The following SLC39A10 variants were observed in gnomAD, a reference collection of about 807,000 sequenced individuals.
SLC39A10 encodes solute carrier family 39 member 10.
A neutral mutation model predicts 65.1 loss-of-function variants in SLC39A10; 13 were observed. The ratio of observed to expected loss-of-function variants is 0.20; its 90% CI spans 0.13 to 0.32. The LOEUF (loss-of-function observed/expected upper bound fraction) is 0.32, where lower values mean the gene tolerates loss of function less well. Ranked by LOEUF, SLC39A10 falls within the 10% of genes least tolerant of loss-of-function variation. The probability of loss-of-function intolerance (pLI) is 1.00; values close to 1 mark genes in which losing one functional copy is unlikely to be tolerated. For synonymous variants in SLC39A10, 321 were observed against 342.2 expected (o/e 0.94, Z 0.68); for missense variants, 831 against 1,018.4 (o/e 0.82, Z 2.50).
intron 2 of SLC39A10, among the ~76,000 whole-genome samples, chr2:195,618,019 G>T (rs547100960): frequency 6.7e-6 from 1 of 150,194 alleles, no homozygotes; most frequent in Admixed American, 6.6e-5. Flanking sequence ...GATTACAGGC[G>T]TGAGCCACCT....
chr2:195,645,161 G>A (rs372236950), intron 2 of SLC39A10, among the ~76,000 whole-genome samples: 2 of 151,830 alleles, frequency 1.3e-5, no homozygotes, highest in Admixed American at 6.6e-5. Context: ...CGCCTGCCTC[G>A]GCCTCCCAAA....
At chr2:195,667,882 AT>A (rs1352078709) in intron 1 of SLC39A10, among the ~76,000 whole-genome samples, 4 of 152,230 alleles carry the variant, frequency 2.6e-5, no homozygotes, top group African/African-American at 9.6e-5. Context: ...ACATTTAAAT[AT>A]TGCAAATAAT....
intron 3 of SLC39A10, among the ~76,000 whole-genome samples, chr2:195,697,565 C>T (rs1207259039): frequency 6.6e-6 from 1 of 152,108 alleles, no homozygotes; most frequent in South Asian, 2.1e-4. Flanking sequence ...AGTTATTTTT[C>T]CTGATGCTGT....
chr2:195,660,939 C>G (rs976598676), intron 1 of SLC39A10, among the ~76,000 whole-genome samples: 2 of 151,644 alleles, frequency 1.3e-5, no homozygotes, highest in East Asian at 3.9e-4. Context: ...TTTTAAAATT[C>G]GAATTTATTT....
intron 3 of SLC39A10, among the ~76,000 whole-genome samples, chr2:195,695,961 T>C (rs998038931): frequency 2.6e-5 from 4 of 152,238 alleles, no homozygotes; most frequent in African/African-American, 7.2e-5. Flanking sequence ...TTAATTTTTA[T>C]GTATAGTGCT....
At position 195,716,727 on chromosome 2, in the gene SLC39A10, ACCT is replaced by A; in HGVS notation, c.1788_1790del (p.Leu597del). On this transcript the variant is annotated inframe_deletion, in exon 7 of 10. Coordinates refer to ENST00000359634, the MANE Select transcript of SLC39A10 (RefSeq NM_020342.3). Reference sequence around the variant, plus strand: ...CAACAAGAATCCCCTCCTAAAAATTACCTTTGTATAGAAGAGGAGAAAATCATA... The same window carrying A: ...CAACAAGAATCCCCTCCTAAAAATTATTGTATAGAAGAGGAGAAAATCATA... 1 of 1,614,170 alleles carries A rather than the reference ACCT, an allele frequency of 6.2e-7. No homozygotes were observed. Among genetic ancestry groups the A allele is most frequent in the East Asian group, 2.2e-5 (1 of 44,892 alleles).
intron 1 of SLC39A10, chr2:195,658,641 A>G (rs1168820686): frequency 6.6e-6 from 1 of 152,200 alleles, no homozygotes; most frequent in African/African-American, 2.4e-5. Flanking sequence ...TTAGTATGCA[A>G]TTGAAAGCCT....
rs145385545 is a variant in SLC39A10 at position 195,716,558 on chromosome 2, T to C, written c.1697-79T>C. On this transcript the variant is annotated intron_variant, in intron 6 of 9. Coordinates refer to ENST00000359634, the MANE Select transcript of SLC39A10 (RefSeq NM_020342.3). ...AGACATTCACTTAAGAAATGTTCAT[T>C]GCACTGCTATTCTGTTTAAATTAGC... 1.2e-5 allele frequency: 14 copies of C among 1,122,458 alleles called. No homozygotes were observed. The East Asian group carries it at 3.1e-4, about 24-fold the overall frequency. 69.5% of individuals were successfully genotyped at this position (1,122,458 alleles called of 1,614,324 possible). A position where few individuals can be genotyped will look rare whatever the true frequency, so the allele number is the denominator to read the frequency against.
chr2:195,688,372 T>C (rs1690603520), intron 3 of SLC39A10, among the ~76,000 whole-genome samples: 2 of 152,284 alleles, frequency 1.3e-5, no homozygotes, highest in Non-Finnish European at 2.9e-5. Flanking sequence ...TAAATTTAAA[T>C]GTTATAAATT....
chr2:195,683,827 T>C lies in SLC39A10; in HGVS notation c.1137T>C (p.His379=), dbSNP rs760933199. 5 of 1,613,418 alleles carry C rather than the reference T, an allele frequency of 3.1e-6. No homozygotes were observed. Among genetic ancestry groups the C allele is most frequent in the Non-Finnish European group, 4.2e-6 (5 of 1,179,540 alleles). The change falls in exon 3 of 10, where the codon CAT becomes CAC. Residue 379 remains histidine, a synonymous_variant. Transcript: ENST00000359634. ...YQIDSRLCIE[H]FDKLLVEDIN... ...TCGACAGCAGACTTTGTATTGAGCA[T>C]TTTGACAAACTTTTAGTTGAAGATA...
chr2:195,696,725 A>C (rs1240961677), intron 3 of SLC39A10, among the ~76,000 whole-genome samples: 2 of 152,104 alleles, frequency 1.3e-5, no homozygotes, highest in African/African-American at 4.8e-5. Flanking sequence ...TAGTCAATTT[A>C]TGTCAACAGT....
intron 1 of SLC39A10, chr2:195,674,744 G>C: frequency 1.4e-6 from 1 of 712,206 alleles, no homozygotes; most frequent in Non-Finnish European, 1.7e-6. Flanking sequence ...AGTATACTTA[G>C]ACAAACCTAG....
chr2:195,622,628 A>G (rs1688373243), intron 2 of SLC39A10, among the ~76,000 whole-genome samples: 1 of 152,212 alleles, frequency 6.6e-6, no homozygotes, highest in African/African-American at 2.4e-5. Flanking sequence ...AAAGAGCTCA[A>G]ATGTTTGAGG....
Position 195,680,473 on chromosome 2 carries a change from G to A in SLC39A10, c.431G>A (p.Ser144Asn). 1 of 1,614,146 alleles carries A rather than the reference G, an allele frequency of 6.2e-7. No individual in the cohort carries two copies. Among genetic ancestry groups the A allele is most frequent in the Non-Finnish European group, 8.5e-7 (1 of 1,180,022 alleles). The change falls in exon 2 of 10, where the codon AGT becomes AAT. Residue 144 changes from serine to asparagine, a missense_variant. Transcript: ENST00000359634. ...HLNSENQTVTSVSTKRNHKCD... is the reference protein window; with the variant it reads ...HLNSENQTVTNVSTKRNHKCD... ...AATTCAGAAAATCAAACTGTGACCA[G>A]TGTATCCACAAAAAGAAACCATAAA...
intron 2 of SLC39A10, among the ~76,000 whole-genome samples, chr2:195,628,128 G>A (rs1197451984): frequency 6.6e-6 from 1 of 152,190 alleles, no homozygotes. Context: ...TTCATCATCT[G>A]TAAGAAAACT....
intron 3 of SLC39A10, among the ~76,000 whole-genome samples, chr2:195,684,637 T>A (rs189537718): frequency 6.9e-4 from 105 of 152,230 alleles, no homozygotes; most frequent in Middle Eastern, 3.4e-3. Flanking sequence ...TTTCCTTTTT[T>A]TCCCATTCTA....
In SLC39A10 at chr2:195,675,065, C is replaced by T. The variant is rs564014280; in HGVS notation, c.-11-4967C>T. 1.1e-3 allele frequency among the ~76,000 whole-genome samples: 166 copies of T among 152,140 alleles called. 3 individuals are homozygous for T. The highest frequency in any genetic ancestry group is 3.8e-3 in the African/African-American group (158 of 41,504). ...ACTGTAAACCAGTGATTGGCTTTAG[C>T]ATGGGCATGTGGTAGAGACCTGACT... is the stretch of plus-strand genomic sequence containing the variant. On this transcript the variant is annotated intron_variant, in intron 1 of 9. Coordinates refer to ENST00000359634, the MANE Select transcript of SLC39A10 (RefSeq NM_020342.3).
chr2:195,662,454 T>G (rs1689445252), intron 1 of SLC39A10, among the ~76,000 whole-genome samples: 1 of 144,280 alleles, frequency 6.9e-6, no homozygotes, highest in South Asian at 2.3e-4. Flanking sequence ...GTATTTTTTA[T>G]TGTAGAGACA....
rs1204016454 is a variant in SLC39A10 at position 195,693,269 on chromosome 2, A to G, written c.1216+9363A>G. Among the ~76,000 whole-genome samples the G allele has an allele frequency of 8.5e-5, 13 of 152,184 alleles. No individual in the cohort carries two copies. In the East Asian group the frequency reaches 2.5e-3, roughly 29 times the overall value. On this transcript the variant is annotated intron_variant, in intron 3 of 9. Transcript: ENST00000359634. ...TTTTGCATCTGTGTTCATCAAGGAT[A>G]TTGGTGTGTAGTTTTCTTTTTTTGT...
Sources: gnomAD v4.1 joint callset for allele counts (sites outside exome capture counted in the v4.1 genomes callset) on GRCh38, gnomAD v4.1.1 for gene constraint, MANE v1.5 for transcripts, NCBI Gene and HGNC (gene_info 2026-07-23, HGNC 2026-07-21) for gene names.